Variants in PTPRM observed in about 807,000 individuals in gnomAD.
PTPRM encodes receptor-type tyrosine-protein phosphatase mu.
In PTPRM, 47 loss-of-function variants were observed where a neutral mutation model predicts 186.7. The ratio of observed to expected loss-of-function variants is 0.25; its 90% CI spans 0.20 to 0.32. PTPRM has a LOEUF of 0.32. PTPRM is among the 10% of genes least tolerant of loss of function. The probability of loss-of-function intolerance (pLI) is 1.00; values close to 1 mark genes in which losing one functional copy is unlikely to be tolerated. For missense variants in PTPRM, 1,494 were observed against 1,865.0 expected (o/e 0.80, Z 3.66); for synonymous variants, 668 against 674.9 (o/e 0.99, Z 0.16).
chr18:8,330,470 G>A (rs7242993), intron 22 of PTPRM, among the ~76,000 whole-genome samples: 109 of 152,106 alleles, frequency 7.2e-4, no homozygotes, highest in Non-Finnish European at 1.3e-3. Flanking sequence ...AAATAAAAGA[G>A]GATTCCACTT....
chr18:8,174,805 A>C (rs556239370), intron 14 of PTPRM, among the ~76,000 whole-genome samples: 2 of 152,342 alleles, frequency 1.3e-5, no homozygotes, highest in African/African-American at 4.8e-5. Flanking sequence ...GCATGTGCCC[A>C]GTGTGTGAAA....
chr18:8,149,550 CAT>C (rs1338843783), intron 14 of PTPRM, among the ~76,000 whole-genome samples: 2 of 152,152 alleles, frequency 1.3e-5, no homozygotes, highest in South Asian at 2.1e-4. Context: ...CATCTTTGCA[CAT>C]GAGATGGGTC....
At chr18:7,709,318 T>A (rs2040162473) in intron 1 of PTPRM, among the ~76,000 whole-genome samples, 1 of 152,100 alleles carries the variant, frequency 6.6e-6, no homozygotes, top group Non-Finnish European at 1.5e-5. Context: ...TTTGGGTTAA[T>A]AACGAACTCA....
chr18:8,103,591 G>A (rs1042333005), intron 11 of PTPRM, among the ~76,000 whole-genome samples: 2 of 152,194 alleles, frequency 1.3e-5, no homozygotes, highest in Non-Finnish European at 2.9e-5. Context: ...CTTGGTTTAA[G>A]GGAATATCAT....
At chr18:8,177,742 T>TA (rs1209119877) in intron 14 of PTPRM, among the ~76,000 whole-genome samples, 1 of 152,120 alleles carries the variant, frequency 6.6e-6, no homozygotes, top group African/African-American at 2.4e-5. Flanking sequence ...GGAAAGTAAA[T>TA]AGAGTACATT....
intron 12 of PTPRM, 97 bp from the exon 13 acceptor site, chr18:8,114,694 C>A (rs1218537782): frequency 2.1e-6 from 2 of 958,512 alleles, no homozygotes; most frequent in African/African-American, 1.7e-5. Context: ...CAGTGAGATC[C>A]TTCCTTATCA....
chr18:7,702,687 CTTTAG>C (rs2039992593), intron 1 of PTPRM, among the ~76,000 whole-genome samples: 2 of 152,140 alleles, frequency 1.3e-5, no homozygotes, highest in African/African-American at 4.8e-5. Flanking sequence ...TGGAGAAGCT[CTTTAG>C]TTTAATTAGA....
intron 1 of PTPRM, among the ~76,000 whole-genome samples, chr18:7,687,767 G>A (rs1029777948): frequency 6.6e-6 from 1 of 150,986 alleles, no homozygotes; most frequent in African/African-American, 2.5e-5. Context: ...GCATAAACAA[G>A]GAGCTATAAG....
intron 21 of PTPRM, among the ~76,000 whole-genome samples, chr18:8,317,794 T>C (rs1462844769): frequency 6.6e-6 from 1 of 152,224 alleles, no homozygotes; most frequent in Non-Finnish European, 1.5e-5. Flanking sequence ...TACAGGCCAC[T>C]GTGGACTCTC....
At chr18:8,196,581 A>G (rs1384564493) in intron 14 of PTPRM, among the ~76,000 whole-genome samples, 1 of 152,248 alleles carries the variant, frequency 6.6e-6, no homozygotes, top group Non-Finnish European at 1.5e-5. Flanking sequence ...AGATTGGCAG[A>G]AAAACACTCA....
rs142543549 is a variant in PTPRM, at chr18:7,823,044, G to A, written c.196+48773G>A. The stretch of plus-strand genomic sequence containing the variant: ...GAAATGTGTCTAGACATTGCCACCT[G>A]TCCTCTGGGAGACAAGAGTCTCCCC... On this transcript the variant is annotated intron_variant, in intron 2 of 32. Transcript: ENST00000580170. Among the ~76,000 whole-genome samples the A allele has an allele frequency of 2.3e-3, 343 of 152,146 alleles. 1 individual carries two copies. Among genetic ancestry groups the A allele is most frequent in the African/African-American group, 7.9e-3 (329 of 41,514 alleles).
At chr18:8,341,796 C>T (rs531764945) in intron 22 of PTPRM, among the ~76,000 whole-genome samples, 8 of 152,082 alleles carry the variant, frequency 5.3e-5, no homozygotes, top group Non-Finnish European at 1.2e-4. Flanking sequence ...AATGAATGTA[C>T]CTCTCTGCAA....
At chr18:8,209,519 G>A (rs1049068782) in intron 14 of PTPRM, among the ~76,000 whole-genome samples, 1 of 152,098 alleles carries the variant, frequency 6.6e-6, no homozygotes, top group Admixed American at 6.5e-5. Context: ...TTAAGAAGTC[G>A]GGATTTGTTT....
chr18:7,587,715 A>G (rs1429299848), intron 1 of PTPRM, among the ~76,000 whole-genome samples: 1 of 152,132 alleles, frequency 6.6e-6, no homozygotes, highest in East Asian at 1.9e-4. Context: ...TAGCCAATAC[A>G]TGTTTTAAAT....
intron 4 of PTPRM, 117 bp from the exon 5 acceptor site, chr18:7,926,451 A>AT (rs1253239791): frequency 2.5e-5 from 14 of 558,302 alleles, no homozygotes; most frequent in East Asian, 1.2e-4. Flanking sequence ...CAAAAGCATT[A>AT]TTTTTTTCCC....
chr18:8,299,032 G>T (rs2095126986), intron 20 of PTPRM, among the ~76,000 whole-genome samples: 1 of 152,018 alleles, frequency 6.6e-6, no homozygotes, highest in Non-Finnish European at 1.5e-5. Context: ...AGGCAAACAT[G>T]AGGATGGCCC....
chr18:7,980,635 C>T (rs575304200), intron 7 of PTPRM, among the ~76,000 whole-genome samples: 5 of 152,276 alleles, frequency 3.3e-5, no homozygotes, highest in East Asian at 1.9e-4. Context: ...CCTCCCACCT[C>T]GGCCTCTGAA....
intron 10 of PTPRM, 138 bp from the exon 11 acceptor site, chr18:8,088,611 C>T (rs2145323154): frequency 3.0e-6 from 2 of 668,824 alleles, no homozygotes; most frequent in East Asian, 2.7e-5. Flanking sequence ...ATATGTGAAG[C>T]TTGCTCGTGG....
At chr18:7,722,013 T>C (rs4798590) in intron 1 of PTPRM, among the ~76,000 whole-genome samples, 97,034 of 152,106 alleles carry the variant, frequency 0.64, 32,877 homozygotes, top group East Asian at 0.99. Context: ...TAATGAAGGT[T>C]CATAGTTTAC....
Sources: allele counts gnomAD v4.1 joint callset (sites outside exome capture counted in the v4.1 genomes callset), GRCh38; gene constraint gnomAD v4.1.1; transcripts MANE v1.5; gene names NCBI Gene and HGNC (gene_info 2026-07-23, HGNC 2026-07-21).